Variants in NKAIN2 observed in about 807,000 individuals in gnomAD.
NKAIN2 encodes sodium/potassium-transporting ATPase subunit beta-1-interacting protein 2.
In NKAIN2, 14 loss-of-function variants were observed where a neutral mutation model predicts 32.6. That is an observed-to-expected ratio of 0.43 (90% CI 0.28 to 0.67). NKAIN2 has a LOEUF of 0.67. NKAIN2 is among the 30% of genes least tolerant of loss of function. The pLI, the probability that NKAIN2 is intolerant of heterozygous loss-of-function variation, is 0.17. For synonymous variants in NKAIN2, 80 were observed against 87.2 expected (o/e 0.92, Z 0.46); for missense variants, 198 against 258.3 (o/e 0.77, Z 1.60).
chr6:124,461,995 A>G (rs931738077), intron 3 of NKAIN2, among the ~76,000 whole-genome samples: 1 of 151,922 alleles, frequency 6.6e-6, no homozygotes, highest in Non-Finnish European at 1.5e-5. Context: ...AAAGTTGATG[A>G]TATCTCAATA....
At chr6:124,329,647 C>T (rs569061068) in intron 2 of NKAIN2, among the ~76,000 whole-genome samples, 1 of 152,288 alleles carries the variant, frequency 6.6e-6, no homozygotes, top group East Asian at 1.9e-4. Flanking sequence ...AACCATCATT[C>T]ATATAAGACA....
chr6:124,144,429 A>G (rs530248246), intron 1 of NKAIN2, among the ~76,000 whole-genome samples: 1 of 152,320 alleles, frequency 6.6e-6, no homozygotes, highest in East Asian at 1.9e-4. Context: ...AACTGGTTAT[A>G]CTTACAGAAG....
intron 2 of NKAIN2, among the ~76,000 whole-genome samples, chr6:124,299,611 G>T (rs562199897): frequency 3.9e-5 from 6 of 151,944 alleles, no homozygotes; most frequent in African/African-American, 1.2e-4. Context: ...AAATAACATC[G>T]TCATAGATAT....
intron 1 of NKAIN2, among the ~76,000 whole-genome samples, chr6:123,886,261 TATAA>T (rs1448764599): frequency 6.6e-6 from 1 of 152,010 alleles, no homozygotes; most frequent in African/African-American, 2.4e-5. Flanking sequence ...TTAGAAAACA[TATAA>T]ATAAAAAAGA....
chr6:124,079,227 A>C (rs1174810721), intron 1 of NKAIN2, among the ~76,000 whole-genome samples: 3 of 152,162 alleles, frequency 2.0e-5, no homozygotes, highest in Non-Finnish European at 2.9e-5. Context: ...CTGAGGCATG[A>C]GAATTGCTTG....
At chr6:124,532,284 T>G (rs1779553669) in intron 3 of NKAIN2, among the ~76,000 whole-genome samples, 1 of 151,270 alleles carries the variant, frequency 6.6e-6, no homozygotes, top group African/African-American at 2.4e-5. Context: ...GCATAGGGAG[T>G]GTTCACTCTC....
At chr6:123,861,808 G>A (rs1775795866) in intron 1 of NKAIN2, among the ~76,000 whole-genome samples, 1 of 151,934 alleles carries the variant, frequency 6.6e-6, no homozygotes, top group Non-Finnish European at 1.5e-5. Context: ...TACATTCTTG[G>A]TTAAATTTCC....
intron 4 of NKAIN2, among the ~76,000 whole-genome samples, chr6:124,731,610 G>T (rs1776677857): frequency 6.7e-6 from 1 of 150,140 alleles, no homozygotes; most frequent in Non-Finnish European, 1.5e-5. Context: ...CCTAATGCTA[G>T]ATGACGAGTT....
chr6:124,727,387 A>G (rs1476666923), intron 4 of NKAIN2, among the ~76,000 whole-genome samples: 1 of 152,044 alleles, frequency 6.6e-6, no homozygotes, highest in Non-Finnish European at 1.5e-5. Flanking sequence ...GCCAGAAGAG[A>G]GTGGGGGCCA....
chr6:124,685,235 G>A (rs148088647), intron 4 of NKAIN2, among the ~76,000 whole-genome samples: 9 of 152,232 alleles, frequency 5.9e-5, no homozygotes, highest in African/African-American at 2.2e-4. Context: ...TATAGAAAAT[G>A]GAGTAACATT....
chr6:124,602,063 G>T (rs1583502086), intron 3 of NKAIN2, among the ~76,000 whole-genome samples: 1 of 152,082 alleles, frequency 6.6e-6, no homozygotes, highest in African/African-American at 2.4e-5. Context: ...CTGTCCATTA[G>T]CTACCCTTTC....
intron 1 of NKAIN2, among the ~76,000 whole-genome samples, chr6:124,036,618 G>T (rs912928481): frequency 3.3e-5 from 5 of 152,006 alleles, no homozygotes; most frequent in Non-Finnish European, 7.4e-5. Flanking sequence ...TCTCTCGTGT[G>T]TCTATTTTAA....
chr6:124,589,038 T>A (rs1781812534), intron 3 of NKAIN2, among the ~76,000 whole-genome samples: 1 of 152,150 alleles, frequency 6.6e-6, no homozygotes, highest in South Asian at 2.1e-4. Context: ...ATCTAGTACA[T>A]AATCATTTAA....
At chr6:124,711,781 A>C (rs1180205201) in intron 4 of NKAIN2, among the ~76,000 whole-genome samples, 1 of 152,128 alleles carries the variant, frequency 6.6e-6, no homozygotes, top group Non-Finnish European at 1.5e-5. Context: ...CCCATAGCTC[A>C]GAGTAATTTG....
intron 3 of NKAIN2, among the ~76,000 whole-genome samples, chr6:124,590,292 G>A (rs1223914142): frequency 6.6e-6 from 1 of 152,190 alleles, no homozygotes. Flanking sequence ...TAATGAACCG[G>A]AATTGCCAGG....
intron 3 of NKAIN2, among the ~76,000 whole-genome samples, chr6:124,413,306 A>T: frequency 6.6e-6 from 1 of 152,202 alleles, no homozygotes; most frequent in Admixed American, 6.5e-5. Flanking sequence ...TTAAGTATGC[A>T]GATTTTCAAT....
At chr6:124,439,161 G>T (rs184395637) in intron 3 of NKAIN2, among the ~76,000 whole-genome samples, 1 of 152,150 alleles carries the variant, frequency 6.6e-6, no homozygotes, top group East Asian at 1.9e-4. Flanking sequence ...CCCGATTTTC[G>T]CATTACGCTT....
chr6:124,796,053 ACTC>A (rs541434259), intron 5 of NKAIN2, among the ~76,000 whole-genome samples: 83 of 151,930 alleles, frequency 5.5e-4, no homozygotes, highest in Non-Finnish European at 1.0e-3. Flanking sequence ...GGTTGTGCAG[ACTC>A]ACAGGGTGCC....
chr6:123,901,065 G>C (rs1228986057), intron 1 of NKAIN2, among the ~76,000 whole-genome samples: 1 of 152,004 alleles, frequency 6.6e-6, no homozygotes, highest in Non-Finnish European at 1.5e-5. Context: ...TGCATCCTCG[G>C]TTGTCTTCTT....
Sources: gnomAD v4.1 joint callset for allele counts (sites outside exome capture counted in the v4.1 genomes callset) on GRCh38, gnomAD v4.1.1 for gene constraint, MANE v1.5 for transcripts, NCBI Gene and HGNC (gene_info 2026-07-23, HGNC 2026-07-21) for gene names.